Variants in NIPBL observed in about 807,000 individuals in gnomAD.
NIPBL encodes the protein nipped-B-like protein.
Under a neutral mutation model 321.8 loss-of-function variants are expected in NIPBL, and 19 were observed. That is an observed-to-expected ratio of 0.06 (90% CI 0.04 to 0.09). NIPBL has a LOEUF of 0.09. Ranked by LOEUF, NIPBL falls within the 10% of genes least tolerant of loss-of-function variation. The pLI is 1.00. For missense variants in NIPBL, 2,210 were observed against 3,327.0 expected (o/e 0.66, Z 8.26); for synonymous variants, 1,106 against 1,114.1 (o/e 0.99, Z 0.14).
At chr5:37,027,308 A>G in intron 31 of NIPBL, 51 bp from the exon 32 acceptor site, 1 of 1,306,062 alleles carries the variant, frequency 7.7e-7, no homozygotes, top group Non-Finnish European at 1.1e-6. Context: ...AGTATATTTT[A>G]TTCACATTTA....
intron 1 of NIPBL, among the ~76,000 whole-genome samples, chr5:36,940,726 A>G (rs918374639): frequency 5.3e-5 from 8 of 152,180 alleles, no homozygotes; most frequent in African/African-American, 1.7e-4. Flanking sequence ...TGGGCAAGTT[A>G]CTTAATCTTT....
chr5:36,971,176 A>G (rs1742810620), intron 7 of NIPBL, 140 bp downstream of exon 7: 2 of 737,246 alleles, frequency 2.7e-6, no homozygotes, highest in South Asian at 1.6e-5. Flanking sequence ...TCCTGCACAT[A>G]CAGAGCTTAG....
Position 36,929,235 on chromosome 5 carries a change from A to G in NIPBL, c.-79-24383A>G, listed in dbSNP as rs1337451005. 3.3e-5 allele frequency among the ~76,000 whole-genome samples: 5 copies of G among 152,102 alleles called. No individual in the cohort carries two copies. In the South Asian group the frequency reaches 1.0e-3, roughly 31 times the overall value. ...TGGTATCATTGTGGTTTCAGTGAGA[A>G]TATACCTAATGACTAATGATACTGA... On this transcript the variant is annotated intron_variant, in intron 1 of 46. Coordinates refer to ENST00000282516, the MANE Select transcript of NIPBL (RefSeq NM_133433.4).
intron 40 of NIPBL, among the ~76,000 whole-genome samples, chr5:37,049,732 ACACCAACTACTCGACAC>A (rs1467419752): frequency 4.6e-5 from 7 of 152,314 alleles, no homozygotes; most frequent in African/African-American, 1.7e-4. Context: ...GTTGGGTATA[ACACCAACTACTCGACAC>A]CTCATAGCAT....
chr5:37,052,270 ACAATG>A, intron 41 of NIPBL, 91 bp from the exon 42 acceptor site: 1 of 953,182 alleles, frequency 1.0e-6, no homozygotes, highest in Non-Finnish European at 1.7e-6. Flanking sequence ...TTAAAAAAAA[ACAATG>A]AAGCTAGCCT....
chr5:36,981,765 T>C (rs2149637926), intron 9 of NIPBL, among the ~76,000 whole-genome samples: 1 of 151,828 alleles, frequency 6.6e-6, no homozygotes, highest in South Asian at 2.1e-4. Flanking sequence ...GTATAAGGAA[T>C]GGCTCAGCTT....
At chr5:36,944,978 A>C (rs1036284188) in intron 1 of NIPBL, among the ~76,000 whole-genome samples, 3 of 152,140 alleles carry the variant, frequency 2.0e-5, no homozygotes, top group African/African-American at 7.2e-5. Context: ...TTGATTTTGC[A>C]TTTCTAATAC....
intron 42 of NIPBL, among the ~76,000 whole-genome samples, chr5:37,054,736 G>C (rs1753918748): frequency 6.6e-6 from 1 of 152,192 alleles, no homozygotes; most frequent in African/African-American, 2.4e-5. Context: ...GGCCCAGAGG[G>C]ATAGAATGAG....
chr5:37,009,915 A>G (rs1025892978), intron 20 of NIPBL, among the ~76,000 whole-genome samples, 172 bp from the exon 21 acceptor site: 2 of 152,234 alleles, frequency 1.3e-5, no homozygotes, highest in African/African-American at 4.8e-5. Flanking sequence ...ATAGGCATTT[A>G]CTTGATGTTT....
At chr5:37,056,476 A>G (rs1324160739) in intron 42 of NIPBL, among the ~76,000 whole-genome samples, 1 of 152,108 alleles carries the variant, frequency 6.6e-6, no homozygotes, top group African/African-American at 2.4e-5. Context: ...ACTTCTTTTT[A>G]AAGCAAGCAA....
chr5:36,942,796 T>C (rs1241856073), intron 1 of NIPBL, among the ~76,000 whole-genome samples: 1 of 152,008 alleles, frequency 6.6e-6, no homozygotes, highest in Admixed American at 6.6e-5. Flanking sequence ...TTCACATTCA[T>C]TAGTTATATT....
At chr5:37,038,517 A>G (rs2149721239) in intron 33 of NIPBL, 85 bp from the exon 34 acceptor site, 5 of 1,255,338 alleles carry the variant, frequency 4.0e-6, no homozygotes, top group Non-Finnish European at 5.7e-6. Flanking sequence ...TTAGGGGATA[A>G]TATTAAGTAA....
chr5:37,027,713 G>C (rs571921084), intron 32 of NIPBL, among the ~76,000 whole-genome samples: 14 of 148,082 alleles, frequency 9.5e-5, no homozygotes, highest in African/African-American at 3.5e-4. Context: ...CTGCCTCCTG[G>C]GTTCAAGCAA....
intron 34 of NIPBL, 119 bp from the exon 35 acceptor site, chr5:37,044,224 CTTTT>C (rs373965461): frequency 1.4e-6 from 1 of 735,580 alleles, no homozygotes; most frequent in Non-Finnish European, 2.1e-6. Context: ...CTCTAACAGA[CTTTT>C]TTTTTTAACT....
intron 1 of NIPBL, among the ~76,000 whole-genome samples, chr5:36,905,798 C>T (rs1025094868): frequency 6.6e-5 from 10 of 151,824 alleles, no homozygotes; most frequent in Non-Finnish European, 1.3e-4. Context: ...GGCTGGAGTG[C>T]AGTGGTGCGA....
In NIPBL at chr5:37,008,787, T is replaced by C. The variant is rs1747743863; in HGVS notation, c.4421+64T>C. On this transcript the variant is annotated intron_variant, in intron 20 of 46. Coordinates refer to ENST00000282516, the MANE Select transcript of NIPBL (RefSeq NM_133433.4). ...CACCATTATATTGAACCGTCATACA[T>C]TTATTCTTCATTTCTGTCTGATTTA... 3.5e-6 allele frequency: 3 copies of C among 851,184 alleles called. No homozygotes were observed. The Admixed American group carries it at 5.3e-5, about 15-fold the overall frequency. The allele number at this position is 851,184 out of a possible 1,614,324, so 52.7% of individuals were successfully genotyped here. A position where few individuals can be genotyped will look rare whatever the true frequency, so the allele number is the denominator to read the frequency against.
At position 37,044,341 on chromosome 5, in the gene NIPBL, T is replaced by A. The variant is rs1191306882; in HGVS notation, c.6109-6T>A. ...TATTCATAAAGCATTAATTTTATTC[T>A]TATAGACGCAAAATGATTTCATGGT... On this transcript the variant is annotated splice_region_variant and splice_polypyrimidine_tract_variant and intron_variant, in intron 34 of 46. Transcript: ENST00000282516. 1 of 1,612,758 alleles carries A rather than the reference T, an allele frequency of 6.2e-7. No individual in the cohort carries two copies. The highest frequency in any genetic ancestry group is 2.2e-5 in the East Asian group (1 of 44,804).
rs1244491281 is a variant in NIPBL at position 36,877,066 on chromosome 5, C to G, written c.-192C>G. 1 of 353,496 alleles carries G rather than the reference C, an allele frequency of 2.8e-6. No homozygotes were observed. The highest frequency in any genetic ancestry group is 5.0e-6 in the Non-Finnish European group (1 of 198,070). 21.9% of individuals were successfully genotyped at this position (353,496 alleles called of 1,614,324 possible). A position where few individuals can be genotyped will look rare whatever the true frequency, so the allele number is the denominator to read the frequency against. On this transcript the variant is annotated 5_prime_UTR_variant, in exon 1 of 47. Transcript: ENST00000282516. The stretch of plus-strand genomic sequence containing the variant: ...TCTCCCCCCGGCTCTACATGTTCCC[C>G]GCACTGAGGAGACGGAAGAGGAGCC...
At chr5:37,013,829 C>A (rs192146474) in intron 21 of NIPBL, among the ~76,000 whole-genome samples, 1,710 of 152,358 alleles carry the variant, frequency 0.011, 26 homozygotes, top group Middle Eastern at 0.078. Context: ...AGGCTGCAAT[C>A]TCGGCACTTT....
Sources: allele counts gnomAD v4.1 joint callset (sites outside exome capture counted in the v4.1 genomes callset), GRCh38; gene constraint gnomAD v4.1.1; transcripts MANE v1.5; gene names NCBI Gene and HGNC (gene_info 2026-07-23, HGNC 2026-07-21).